Variants in CNTN4 observed in about 807,000 individuals in gnomAD.
CNTN4 encodes contactin 4, also known as contactin-4.
Under a neutral mutation model 122.5 loss-of-function variants are expected in CNTN4, and 77 were observed. The ratio of observed to expected loss-of-function variants is 0.63; its 90% CI spans 0.52 to 0.76. The LOEUF is 0.76. CNTN4 is among the 30% of genes least tolerant of loss of function. The pLI, the probability that CNTN4 is intolerant of heterozygous loss-of-function variation, is 0.00. For missense variants in CNTN4, 1,256 were observed against 1,259.1 expected (o/e 1.00, Z 0.04); for synonymous variants, 512 against 447.0 (o/e 1.15, Z -1.83).
intron 13 of CNTN4, among the ~76,000 whole-genome samples, chr3:2,984,482 C>A (rs151054301): frequency 6.6e-6 from 1 of 152,146 alleles, no homozygotes; most frequent in Non-Finnish European, 1.5e-5. Context: ...TTATCCCCCC[C>A]AGGACAAAGA....
chr3:2,736,168 A>G (rs1451501356), intron 4 of CNTN4, 47 bp from the exon 5 acceptor site: 16 of 1,592,930 alleles, frequency 1.0e-5, no homozygotes, highest in Admixed American at 5.0e-5. Flanking sequence ...TGTTGTTCCT[A>G]TTTGGAAGGG....
intron 4 of CNTN4, among the ~76,000 whole-genome samples, chr3:2,674,583 C>T (rs575891845): frequency 6.6e-6 from 1 of 152,292 alleles, no homozygotes; most frequent in South Asian, 2.1e-4. Flanking sequence ...ATGGTGAAAT[C>T]TCGTCTCTAT....
chr3:2,334,456 G>A (rs2043861166), intron 2 of CNTN4, among the ~76,000 whole-genome samples: 1 of 152,120 alleles, frequency 6.6e-6, no homozygotes, highest in Admixed American at 6.5e-5. Flanking sequence ...ACGGCACCTG[G>A]CCCATTTTAT....
intron 7 of CNTN4, among the ~76,000 whole-genome samples, chr3:2,843,769 C>T (rs1043584391): frequency 1.3e-5 from 2 of 152,170 alleles, no homozygotes; most frequent in African/African-American, 4.8e-5. Context: ...ACTGTGTTTC[C>T]TGTACAGTTT....
intron 4 of CNTN4, among the ~76,000 whole-genome samples, chr3:2,616,775 A>T (rs917703958): frequency 6.6e-6 from 1 of 152,190 alleles, no homozygotes; most frequent in Non-Finnish European, 1.5e-5. Context: ...ACAGCATGGT[A>T]CTGGTAGCAA....
chr3:2,395,770 TG>T (rs1207122526), intron 3 of CNTN4, among the ~76,000 whole-genome samples: 1 of 152,190 alleles, frequency 6.6e-6, no homozygotes, highest in Non-Finnish European at 1.5e-5. Context: ...AATGACATGA[TG>T]TCATTCCTTT....
At chr3:2,799,769 G>A (rs1178953191) in intron 6 of CNTN4, among the ~76,000 whole-genome samples, 1 of 152,088 alleles carries the variant, frequency 6.6e-6, no homozygotes, top group Non-Finnish European at 1.5e-5. Flanking sequence ...TACATAGTAG[G>A]TAATACTAAG....
At chr3:3,008,624 C>G (rs1696879137) in intron 14 of CNTN4, among the ~76,000 whole-genome samples, 1 of 152,162 alleles carries the variant, frequency 6.6e-6, no homozygotes, top group South Asian at 2.1e-4. Flanking sequence ...CTCCCTAAGT[C>G]GTTCCGTGTC....
At chr3:2,669,098 G>T (rs2084344145) in intron 4 of CNTN4, among the ~76,000 whole-genome samples, 1 of 152,090 alleles carries the variant, frequency 6.6e-6, no homozygotes, top group Admixed American at 6.5e-5. Context: ...GGATGATGCT[G>T]GCCTCATAAA....
At position 3,026,035 on chromosome 3, in the gene CNTN4, C is replaced by A. The variant is rs1698689915; in HGVS notation, c.1487-67C>A. On this transcript the variant is annotated intron_variant, in intron 14 of 24. Coordinates refer to ENST00000418658, the MANE Select transcript of CNTN4 (RefSeq NM_175607.3). ...TATTTCATCCTGCTCTTGGAGTCTA[C>A]ATTGTATTTCCACACAAGCTCACAG... 2.8e-6 allele frequency: 4 copies of A among 1,443,704 alleles called. No homozygotes were observed. In the African/African-American group the frequency reaches 5.6e-5, roughly 20 times the overall value. The allele number at this position is 1,443,704 out of a possible 1,614,324, so 89.4% of individuals were successfully genotyped here.
intron 24 of CNTN4, 147 bp downstream of exon 24, chr3:3,054,122 C>A: frequency 1.1e-6 from 1 of 874,414 alleles, no homozygotes; most frequent in Non-Finnish European, 1.8e-6. Context: ...CAGATGTTTG[C>A]TGGCCATAGG....
At chr3:2,621,195 A>T (rs942913313) in intron 4 of CNTN4, among the ~76,000 whole-genome samples, 3 of 152,136 alleles carry the variant, frequency 2.0e-5, no homozygotes, top group African/African-American at 4.8e-5. Context: ...TCACCTTCTC[A>T]TCGCTGATGT....
chr3:2,423,889 T>C (rs1273484219), intron 3 of CNTN4, among the ~76,000 whole-genome samples: 1 of 128,306 alleles, frequency 7.8e-6, no homozygotes, highest in Non-Finnish European at 1.6e-5. Flanking sequence ...TGCCTTTTAA[T>C]GTTTGGACAC....
At chr3:2,191,186 A>C (rs1461682160) in intron 2 of CNTN4, among the ~76,000 whole-genome samples, 1 of 151,692 alleles carries the variant, frequency 6.6e-6, no homozygotes, top group Non-Finnish European at 1.5e-5. Flanking sequence ...CTCCTGCCTC[A>C]GCCTTCCTAG....
chr3:2,267,446 G>A (rs1559394994), intron 2 of CNTN4, among the ~76,000 whole-genome samples: 1 of 152,086 alleles, frequency 6.6e-6, no homozygotes, highest in African/African-American at 2.4e-5. Context: ...CATTTGGAAT[G>A]AAAGGAATAT....
chr3:2,261,568 T>A (rs2040834220), intron 2 of CNTN4, among the ~76,000 whole-genome samples: 1 of 152,206 alleles, frequency 6.6e-6, no homozygotes, highest in Non-Finnish European at 1.5e-5. Context: ...TTAATGTAAC[T>A]TGCTACATTT....
At chr3:2,432,826 T>TTC (rs749524936) in intron 3 of CNTN4, among the ~76,000 whole-genome samples, 7 of 151,538 alleles carry the variant, frequency 4.6e-5, no homozygotes, top group Non-Finnish European at 1.0e-4. Flanking sequence ...TTTTTTTTTT[T>TTC]TTGATACGGT....
chr3:2,723,000 CT>C (rs528731388), intron 4 of CNTN4, among the ~76,000 whole-genome samples: 1 of 152,108 alleles, frequency 6.6e-6, no homozygotes, highest in Non-Finnish European at 1.5e-5. Context: ...GGGAAATGGA[CT>C]TTCACTTGTT....
intron 2 of CNTN4, among the ~76,000 whole-genome samples, chr3:2,300,379 G>C (rs763319217): frequency 9.9e-5 from 15 of 151,960 alleles, no homozygotes; most frequent in Non-Finnish European, 2.1e-4. Context: ...GAGAATTGTT[G>C]GGAAAGCTTT....
Sources: allele counts gnomAD v4.1 joint callset (sites outside exome capture counted in the v4.1 genomes callset), GRCh38; gene constraint gnomAD v4.1.1; transcripts MANE v1.5; gene names NCBI Gene and HGNC (gene_info 2026-07-23, HGNC 2026-07-21).